The following TBCK variants were observed in gnomAD, a reference collection of about 807,000 sequenced individuals.
TBCK encodes the protein TBC1 domain containing kinase, also known as TBC domain-containing protein kinase-like protein.
In TBCK, 99 loss-of-function variants were observed where a neutral mutation model predicts 113.4. That is an observed-to-expected ratio of 0.87 (90% CI 0.74 to 1.03). The LOEUF (loss-of-function observed/expected upper bound fraction) is 1.03, where lower values mean the gene tolerates loss of function less well. TBCK is among the 50% of genes least tolerant of loss of function. The pLI is 0.00. For synonymous variants in TBCK, 369 were observed against 370.8 expected, an observed-to-expected ratio of 1.00 and a Z score of 0.05; for missense variants, 1,045 against 1,061.3, an observed-to-expected ratio of 0.98 and a Z score of 0.21.
At chr4:106,185,442 T>A (rs1752903048) in intron 22 of TBCK, among the ~76,000 whole-genome samples, 1 of 151,836 alleles carries the variant, frequency 6.6e-6, no homozygotes, top group Non-Finnish European at 1.5e-5. Context: ...AAATTATATC[T>A]TGTATAACTT....
chr4:106,307,482 T>C (rs1370989930), intron 2 of TBCK, among the ~76,000 whole-genome samples: 1 of 152,042 alleles, frequency 6.6e-6, no homozygotes, highest in African/African-American at 2.4e-5. Context: ...TCAGAGTAAA[T>C]ATTTTAAGAG....
chr4:106,295,317 A>T (rs1766182741), intron 2 of TBCK, 151 bp from the exon 3 acceptor site: 1 of 508,402 alleles, frequency 2.0e-6, no homozygotes, highest in Non-Finnish European at 3.5e-6. Context: ...CATTATTACC[A>T]AGTATATAGG....
intron 2 of TBCK, among the ~76,000 whole-genome samples, chr4:106,301,147 TATAACTTACATAA>T (rs1353412516): frequency 6.6e-6 from 1 of 151,382 alleles, no homozygotes; most frequent in Non-Finnish European, 1.5e-5. Flanking sequence ...TATATATTCA[TATAACTTACATAA>T]ATAACTTATA....
rs1414908081 is a variant in TBCK at position 106,045,091 on chromosome 4, C to G, written c.*1479G>C. On this transcript the variant is annotated 3_prime_UTR_variant, in exon 26 of 26. Coordinates refer to ENST00000394708, the MANE Select transcript of TBCK (RefSeq NM_001163435.3). ...TTTTTTTTTGAGATGGCAGGGTGAG[C>G]CCTGTTGCCCAGGCTGGGGTACAGT... 1.4e-5 allele frequency: 2 copies of G among 145,898 alleles called. No homozygotes were observed. The highest frequency in any genetic ancestry group is 3.0e-5 in the Non-Finnish European group (2 of 67,302). 9.0% of individuals were successfully genotyped at this position (145,898 alleles called of 1,614,324 possible). A position where few individuals can be genotyped will look rare whatever the true frequency, so the allele number is the denominator to read the frequency against.
At chr4:106,128,064 G>A (rs1745442999) in intron 23 of TBCK, among the ~76,000 whole-genome samples, 1 of 152,188 alleles carries the variant, frequency 6.6e-6, no homozygotes, top group South Asian at 2.1e-4. Context: ...TGCAATAGCA[G>A]TTTTTAATAC....
At chr4:106,248,772 C>G in intron 8 of TBCK, 149 bp downstream of exon 8, 1 of 618,116 alleles carries the variant, frequency 1.6e-6, no homozygotes, top group South Asian at 2.3e-5. Context: ...GCAGCCCTCA[C>G]CAGACGACCA....
Position 106,163,711 on chromosome 4 carries a change from A to G in TBCK, c.2235+7384T>C, listed in dbSNP as rs191963579. 2.3e-3 allele frequency: 353 copies of G among 152,250 alleles called. 1 individual carries two copies. Among genetic ancestry groups the G allele is most frequent in the African/African-American group, 8.2e-3 (339 of 41,570 alleles). 9.4% of individuals were successfully genotyped at this position (152,250 alleles called of 1,614,324 possible). A position where few individuals can be genotyped will look rare whatever the true frequency, so the allele number is the denominator to read the frequency against. On this transcript the variant is annotated intron_variant, in intron 23 of 25. Transcript: ENST00000394708. Reference sequence around the variant, plus strand: ...CAGATCTTATGAGAACTCACTCACTATTATGAGAACAGTATAGGGGAAATT... The same window carrying G: ...CAGATCTTATGAGAACTCACTCACTGTTATGAGAACAGTATAGGGGAAATT...
chr4:106,282,101 A>G lies in TBCK; in HGVS notation c.266+12993T>C, dbSNP rs575126504. On this transcript the variant is annotated intron_variant, in intron 3 of 25. Coordinates refer to ENST00000394708, the MANE Select transcript of TBCK (RefSeq NM_001163435.3). The stretch of plus-strand genomic sequence containing the variant: ...CTCATTACTGGTTATAGGTCTGTTC[A>G]GGTTTTGGATTTTTTTCATGGTTCA... Among the ~76,000 whole-genome samples, 3 of 152,078 alleles carry G rather than the reference A, an allele frequency of 2.0e-5. No individual in the cohort carries two copies. In the East Asian group the frequency reaches 5.8e-4, roughly 30 times the overall value.
chr4:106,295,090 G>T lies in TBCK; in HGVS notation c.266+4C>A. On this transcript the variant is annotated splice_donor_region_variant and intron_variant, in intron 3 of 25. Transcript: ENST00000394708. ...CATTTAATTGTTCTGATACTATACA[G>T]TACCTCACAGGTTTCCTTTCTCGAA... 1 of 1,610,364 alleles carries T rather than the reference G, an allele frequency of 6.2e-7. No individual in the cohort carries two copies. Among genetic ancestry groups the T allele is most frequent in the Non-Finnish European group, 8.5e-7 (1 of 1,177,562 alleles).
intron 25 of TBCK, among the ~76,000 whole-genome samples, chr4:106,075,656 C>T (rs1464412911): frequency 3.3e-5 from 5 of 152,076 alleles, no homozygotes; most frequent in Non-Finnish European, 5.9e-5. Flanking sequence ...TACCTATTGA[C>T]TTATATATAT....
In TBCK at chr4:106,265,828, C is replaced by T. The variant is rs185492411; in HGVS notation, c.267-3616G>A. Among the ~76,000 whole-genome samples, 35 of 151,806 alleles carry T rather than the reference C, an allele frequency of 2.3e-4. 1 individual carries two copies. In the East Asian group the frequency reaches 5.2e-3, roughly 23 times the overall value. Reference sequence around the variant, plus strand: ...ACCTCAAATATTACCTCTGGTAATCCGATCCCTGGTTGTCATATTTTGAAG... The same window carrying T: ...ACCTCAAATATTACCTCTGGTAATCTGATCCCTGGTTGTCATATTTTGAAG... On this transcript the variant is annotated intron_variant, in intron 3 of 25. Transcript: ENST00000394708.
intron 20 of TBCK, among the ~76,000 whole-genome samples, chr4:106,200,018 C>A (rs1754696362): frequency 6.6e-6 from 1 of 152,142 alleles, no homozygotes; most frequent in African/African-American, 2.4e-5. Flanking sequence ...TGATGATCAA[C>A]AAAACTATGT....
At chr4:106,219,085 T>A (rs12501854) in intron 19 of TBCK, among the ~76,000 whole-genome samples, 1 of 149,490 alleles carries the variant, frequency 6.7e-6, no homozygotes, top group Non-Finnish European at 1.5e-5. Flanking sequence ...ATGGATGAAA[T>A]TGGAAATCAT....
At chr4:106,246,604 A>C (rs1476672166) in intron 10 of TBCK, among the ~76,000 whole-genome samples, 1 of 152,082 alleles carries the variant, frequency 6.6e-6, no homozygotes, top group African/African-American at 2.4e-5. Context: ...GCCACTCCTT[A>C]AGGGCAAGAA....
intron 23 of TBCK, among the ~76,000 whole-genome samples, chr4:106,154,976 AATCT>A (rs960642513): frequency 2.0e-5 from 3 of 151,828 alleles, no homozygotes; most frequent in African/African-American, 7.3e-5. Flanking sequence ...ACCCTCAGAT[AATCT>A]ATTACTCATT....
At chr4:106,239,124 T>C (rs929806531) in intron 12 of TBCK, among the ~76,000 whole-genome samples, 4 of 152,138 alleles carry the variant, frequency 2.6e-5, no homozygotes, top group African/African-American at 9.6e-5. Context: ...AGGTCTTAAC[T>C]AACTTGGGTT....
At chr4:106,213,978 T>C (rs538780736) in intron 19 of TBCK, among the ~76,000 whole-genome samples, 4 of 152,170 alleles carry the variant, frequency 2.6e-5, no homozygotes, top group Non-Finnish European at 5.9e-5. Context: ...GTCTGACAGC[T>C]TTGAAGAGAG....
chr4:106,271,718 C>A (rs1220878104), intron 3 of TBCK, among the ~76,000 whole-genome samples: 2 of 150,144 alleles, frequency 1.3e-5, no homozygotes, highest in African/African-American at 4.9e-5. Flanking sequence ...CGCCACTGCA[C>A]TCCAATCTGG....
intron 22 of TBCK, among the ~76,000 whole-genome samples, chr4:106,187,852 C>T (rs1251657348): frequency 6.6e-6 from 1 of 152,072 alleles, no homozygotes; most frequent in African/African-American, 2.4e-5. Flanking sequence ...GGGCTCTCAG[C>T]TTGGACACAG....
Sources: gnomAD v4.1 joint callset for allele counts (sites outside exome capture counted in the v4.1 genomes callset) on GRCh38, gnomAD v4.1.1 for gene constraint, MANE v1.5 for transcripts, NCBI Gene and HGNC (gene_info 2026-07-23, HGNC 2026-07-21) for gene names.